Variants in ZFHX3 observed in about 807,000 individuals in gnomAD.
ZFHX3 encodes zinc finger homeobox 3, also known as zinc finger homeobox protein 3.
Under a neutral mutation model 279.1 loss-of-function variants are expected in ZFHX3, and 42 were observed. That is an observed-to-expected ratio of 0.15 (90% confidence interval 0.12 to 0.19). The LOEUF is 0.19. Among genes scored for constraint, ZFHX3 ranks in the 10% least tolerant of loss-of-function variants. ZFHX3 has a pLI of 1.00. For missense variants in ZFHX3, 4,981 were observed against 4,754.0 expected (o/e 1.05, Z -1.40); for synonymous variants, 2,293 against 1,957.8 (o/e 1.17, Z -4.52).
intron 3 of ZFHX3, among the ~76,000 whole-genome samples, chr16:72,919,925 C>T (rs1485459543): frequency 6.6e-6 from 1 of 151,466 alleles, no homozygotes; most frequent in Non-Finnish European, 1.5e-5. Flanking sequence ...TCCCAAGAAC[C>T]TGGGATTACA....
intron 2 of ZFHX3, among the ~76,000 whole-genome samples, chr16:73,612,119 G>C (rs937572491): frequency 6.6e-6 from 1 of 152,112 alleles, no homozygotes; most frequent in Non-Finnish European, 1.5e-5. Context: ...AGAGTTGTGG[G>C]AAACTAAAGG....
At chr16:73,861,941 A>C (rs1225901563) in intron 1 of ZFHX3, among the ~76,000 whole-genome samples, 1 of 152,248 alleles carries the variant, frequency 6.6e-6, no homozygotes, top group Admixed American at 6.5e-5. Flanking sequence ...GGACTTCTGC[A>C]GTCGTCACAT....
chr16:73,499,541 T>C (rs1805978286), intron 2 of ZFHX3: 1 of 152,202 alleles, frequency 6.6e-6, no homozygotes, highest in Admixed American at 6.5e-5. Context: ...AAGTTCCTCC[T>C]GTTATGGTAC....
intron 2 of ZFHX3, among the ~76,000 whole-genome samples, chr16:73,676,786 A>G (rs936478861): frequency 7.0e-6 from 1 of 143,160 alleles, no homozygotes. Context: ...CATACACTAA[A>G]GAGATACAAA....
intron 1 of ZFHX3, among the ~76,000 whole-genome samples, chr16:73,779,252 C>T (rs1466799781): frequency 2.0e-5 from 3 of 152,078 alleles, no homozygotes; most frequent in Non-Finnish European, 4.4e-5. Context: ...CATTCAAAGA[C>T]CACCACAGTA....
intron 2 of ZFHX3, among the ~76,000 whole-genome samples, chr16:73,475,451 C>G (rs2018749047): frequency 6.6e-6 from 1 of 151,992 alleles, no homozygotes; most frequent in Admixed American, 6.6e-5. Context: ...TTTGTCATAT[C>G]TATTTCTAAT....
At chr16:73,375,757 A>G (rs1256481183) in intron 3 of ZFHX3, among the ~76,000 whole-genome samples, 2 of 152,200 alleles carry the variant, frequency 1.3e-5, no homozygotes, top group African/African-American at 4.8e-5. Context: ...TAGACACCCA[A>G]TAGTCCCAGG....
At chr16:72,996,107 A>AAC (rs10550323) in intron 1 of ZFHX3, among the ~76,000 whole-genome samples, 3,179 of 147,030 alleles carry the variant, frequency 0.022, 51 homozygotes, top group African/African-American at 0.043. Flanking sequence ...GTCTCTACTA[A>AAC]ACACACACAC....
At chr16:73,152,981 A>C (rs999816626) in intron 5 of ZFHX3, among the ~76,000 whole-genome samples, 1 of 151,860 alleles carries the variant, frequency 6.6e-6, no homozygotes, top group African/African-American at 2.4e-5. Context: ...GTGAAGGGGG[A>C]GGGGTGTCTG....
rs1210703979 is a variant in ZFHX3 at position 72,795,311 on chromosome 16, T to C, written c.7371A>G (p.Gln2457=). 5 of 1,613,968 alleles carry C rather than the reference T, an allele frequency of 3.1e-6. No homozygotes were observed. The highest frequency in any genetic ancestry group is 4.2e-6 in the Non-Finnish European group (5 of 1,180,024). The part of the protein sequence containing the change: ...QGQPKPELQQ[Q]EQPEQKTNTP... ...TGTTGGTCTTCTGCTCGGGCTGCTC[T>C]TGCTGCTGCAGCTCTGGCTTTGGTT... is the stretch of plus-strand genomic sequence containing the variant. Residue 2457 remains glutamine (Q), a synonymous_variant, in exon 9 of 10, where the codon CAA becomes CAG. Coordinates refer to ENST00000268489, the MANE Select transcript of ZFHX3 (RefSeq NM_006885.4).
chr16:72,862,042 A>G (rs1048126954), intron 4 of ZFHX3, among the ~76,000 whole-genome samples: 7 of 152,154 alleles, frequency 4.6e-5, no homozygotes, highest in Admixed American at 1.3e-4. Context: ...TAGAACTGGA[A>G]TTTTCTGTTT....
At chr16:73,168,205 CTTTTGTTTT>C (rs1794259551) in intron 5 of ZFHX3, among the ~76,000 whole-genome samples, 1 of 112,496 alleles carries the variant, frequency 8.9e-6, no homozygotes, top group Non-Finnish European at 1.9e-5. Context: ...ACTATAGTTT[CTTTTGTTTT>C]CTTTCTTTCT....
chr16:73,218,916 T>A (rs1849397575), intron 5 of ZFHX3, among the ~76,000 whole-genome samples: 1 of 152,192 alleles, frequency 6.6e-6, no homozygotes, highest in Admixed American at 6.5e-5. Context: ...ATCAACGAGG[T>A]GGAAACCCCA....
At chr16:73,601,955 T>G (rs958895392) in intron 2 of ZFHX3, among the ~76,000 whole-genome samples, 2 of 152,102 alleles carry the variant, frequency 1.3e-5, no homozygotes, top group African/African-American at 4.8e-5. Flanking sequence ...TTGGGGGCTG[T>G]GACTTTTTTG....
At chr16:73,402,722 G>T (rs1186174343) in intron 3 of ZFHX3, among the ~76,000 whole-genome samples, 1 of 152,078 alleles carries the variant, frequency 6.6e-6, no homozygotes, top group South Asian at 2.1e-4. Flanking sequence ...TTAAAGCAGG[G>T]ACAGGTCTGT....
Position 72,787,731 on chromosome 16 carries a change from G to A in ZFHX3, c.10545C>T (p.Gly3515=), listed in dbSNP as rs1181412886. 29 of 1,394,358 alleles carry A rather than the reference G, an allele frequency of 2.1e-5. No homozygotes were observed. Among genetic ancestry groups the A allele is most frequent in the South Asian group, 1.0e-4 (5 of 48,476 alleles). The allele number at this position is 1,394,358 out of a possible 1,614,324, so 86.4% of individuals were successfully genotyped here. The change falls in exon 10 of 10, where the codon GGC becomes GGT. Residue 3515 remains glycine (G), a synonymous_variant. Transcript: ENST00000268489. ...CGCCGCCGCCGCCACCGCCGCCGCCGCCGCCACTGCCACCGCCGCCGCCGC... is the reference window on the plus strand; with the variant it reads ...CGCCGCCGCCGCCACCGCCGCCGCCACCGCCACTGCCACCGCCGCCGCCGC... ...PTGGGGGGSG[G]GGGGGGGGGG...
At chr16:72,975,978 T>C (rs576658512) in intron 1 of ZFHX3, among the ~76,000 whole-genome samples, 1 of 152,182 alleles carries the variant, frequency 6.6e-6, no homozygotes, top group East Asian at 1.9e-4. Flanking sequence ...TTTTCCTTAA[T>C]GGCTTCCTGA....
At chr16:73,640,371 T>C (rs552442820) in intron 2 of ZFHX3, among the ~76,000 whole-genome samples, 1 of 151,996 alleles carries the variant, frequency 6.6e-6, no homozygotes, top group Non-Finnish European at 1.5e-5. Flanking sequence ...GCAAGTCAAA[T>C]AACGGAAGAT....
At chr16:73,143,829 G>C in exon 6 of ZFHX3, 2 of 1,285,916 alleles carry the variant, frequency 1.6e-6, no homozygotes, top group Non-Finnish European at 2.1e-6. Context: ...TATATCTTCC[G>C]AGCTGAAGAA....
Sources: allele counts gnomAD v4.1 joint callset (sites outside exome capture counted in the v4.1 genomes callset), GRCh38; gene constraint gnomAD v4.1.1; transcripts MANE v1.5; gene names NCBI Gene and HGNC (gene_info 2026-07-23, HGNC 2026-07-21).